PARD3B: variants seen among roughly 807,000 people sequenced by gnomAD.
PARD3B encodes partitioning defective 3 homolog B.
A neutral mutation model predicts 130.2 loss-of-function variants in PARD3B; 103 were observed. The ratio of observed to expected loss-of-function variants is 0.79; its 90% CI spans 0.67 to 0.93. The LOEUF is 0.93. Ranked by LOEUF, PARD3B falls within the 40% of genes least tolerant of loss-of-function variation. The pLI is 0.00. For missense variants in PARD3B, 1,609 were observed against 1,499.2 expected (o/e 1.07, Z -1.21); for synonymous variants, 583 against 553.2 (o/e 1.05, Z -0.76).
intron 2 of PARD3B, among the ~76,000 whole-genome samples, chr2:204,922,669 C>CA (rs988213130): frequency 1.8e-4 from 25 of 141,854 alleles, no homozygotes; most frequent in Admixed American, 7.1e-5. Flanking sequence ...AACGTGACTA[C>CA]AAAAAAAATA....
chr2:204,936,012 A>G (rs537901856), intron 2 of PARD3B, among the ~76,000 whole-genome samples: 2 of 152,372 alleles, frequency 1.3e-5, no homozygotes, highest in East Asian at 1.9e-4. Context: ...GTCTATAAAC[A>G]TGTACAGAAT....
At position 205,450,462 on chromosome 2, in the gene PARD3B, G is replaced by T. The variant is rs569061598; in HGVS notation, c.3044+9790G>T. On this transcript the variant is annotated intron_variant, in intron 20 of 22. Transcript: ENST00000406610. ...AGAAAACTTAAAAAATTTAAGTGCA[G>T]ATTCTTTTTTTTTTTTTTTTTTTTT... Among the ~76,000 whole-genome samples, 75 of 135,314 alleles carry T rather than the reference G, an allele frequency of 5.5e-4. 1 individual carries two copies. The South Asian group carries it at 0.016, about 29-fold the overall frequency. 88.8% of individuals were successfully genotyped at this position (135,314 alleles called of 152,430 possible). A position where few individuals can be genotyped will look rare whatever the true frequency, so the allele number is the denominator to read the frequency against.
intron 18 of PARD3B, among the ~76,000 whole-genome samples, chr2:205,334,745 G>A (rs2043249527): frequency 6.6e-6 from 1 of 152,150 alleles, no homozygotes; most frequent in South Asian, 2.1e-4. Flanking sequence ...GCATTCTGAT[G>A]TAAGAAAGTT....
chr2:205,170,754 C>G (rs1352854122), intron 11 of PARD3B, among the ~76,000 whole-genome samples: 1 of 151,478 alleles, frequency 6.6e-6, no homozygotes, highest in Admixed American at 6.6e-5. Context: ...TTCTATTGTT[C>G]ATTGTGTGTG....
intron 2 of PARD3B, among the ~76,000 whole-genome samples, chr2:204,743,185 G>A (rs1462432812): frequency 2.0e-5 from 3 of 152,132 alleles, no homozygotes; most frequent in Non-Finnish European, 4.4e-5. Context: ...AATGAATGAA[G>A]ATTGGCTTTG....
At position 205,444,025 on chromosome 2, in the gene PARD3B, C is replaced by T. The variant is rs2047818570; in HGVS notation, c.3044+3353C>T. On this transcript the variant is annotated intron_variant, in intron 20 of 22. Coordinates refer to ENST00000406610, the MANE Select transcript of PARD3B (RefSeq NM_001302769.2). ...TGTGTTTGAGTCTCACTCTGTCACC[C>T]AGGCTGGAGTGCAGTGGCATGATGT... 3.3e-5 allele frequency among the ~76,000 whole-genome samples: 5 copies of T among 152,274 alleles called. No individual in the cohort carries two copies. The South Asian group carries it at 1.0e-3, about 32-fold the overall frequency.
chr2:204,949,806 C>G (rs1472596525), intron 2 of PARD3B, among the ~76,000 whole-genome samples: 1 of 152,052 alleles, frequency 6.6e-6, no homozygotes, highest in Non-Finnish European at 1.5e-5. Context: ...TCTTATTAGT[C>G]AAATGTTCAG....
chr2:204,911,836 A>G (rs2047248043), intron 2 of PARD3B, among the ~76,000 whole-genome samples: 3 of 152,342 alleles, frequency 2.0e-5, no homozygotes, highest in South Asian at 2.1e-4. Context: ...GTGTATGCAT[A>G]TATGAAAACA....
At chr2:205,259,722 G>A (rs575101919) in intron 16 of PARD3B, among the ~76,000 whole-genome samples, 1 of 152,148 alleles carries the variant, frequency 6.6e-6, no homozygotes, top group East Asian at 1.9e-4. Context: ...AACTGTATGT[G>A]TTAAATCCTT....
At chr2:204,905,544 G>T (rs771707477) in intron 2 of PARD3B, among the ~76,000 whole-genome samples, 2 of 152,102 alleles carry the variant, frequency 1.3e-5, no homozygotes, top group African/African-American at 2.4e-5. Flanking sequence ...AAATGTAACC[G>T]GTTTTAAAAC....
chr2:205,293,995 A>G (rs1193385720), intron 16 of PARD3B, among the ~76,000 whole-genome samples: 1 of 152,184 alleles, frequency 6.6e-6, no homozygotes, highest in Non-Finnish European at 1.5e-5. Context: ...TGAGTATTCT[A>G]TTACTTATTT....
intron 2 of PARD3B, among the ~76,000 whole-genome samples, chr2:204,813,285 T>A (rs2043028460): frequency 6.6e-6 from 1 of 152,200 alleles, no homozygotes; most frequent in African/African-American, 2.4e-5. Flanking sequence ...AATAATAACG[T>A]TGAGCCTCTT....
At chr2:205,203,430 A>AT (rs1200324140) in intron 15 of PARD3B, among the ~76,000 whole-genome samples, 1 of 137,306 alleles carries the variant, frequency 7.3e-6, no homozygotes, top group Admixed American at 7.2e-5. Context: ...TTTACTTTTT[A>AT]TTTTTTTACT....
At chr2:205,441,425 T>C (rs1176647129) in intron 20 of PARD3B, among the ~76,000 whole-genome samples, 2 of 152,214 alleles carry the variant, frequency 1.3e-5, no homozygotes, top group African/African-American at 2.4e-5. Context: ...CGATATACAT[T>C]GTTAGGTGAC....
At chr2:204,763,020 A>G (rs955296766) in intron 2 of PARD3B, among the ~76,000 whole-genome samples, 8 of 152,144 alleles carry the variant, frequency 5.3e-5, no homozygotes, top group African/African-American at 1.9e-4. Flanking sequence ...TCGGCCTCCC[A>G]AAGTGCTGGG....
intron 19 of PARD3B, among the ~76,000 whole-genome samples, chr2:205,413,471 A>G (rs1317659627): frequency 2.0e-5 from 3 of 152,210 alleles, no homozygotes; most frequent in African/African-American, 7.2e-5. Context: ...GGATGAATGA[A>G]TGAACAACTA....
Position 205,241,668 on chromosome 2 carries a change from C to G in PARD3B, c.2141-4110C>G, listed in dbSNP as rs2039359484. Among the ~76,000 whole-genome samples, 4 of 152,262 alleles carry G rather than the reference C, an allele frequency of 2.6e-5. No individual in the cohort carries two copies. In the South Asian group the frequency reaches 6.2e-4, roughly 24 times the overall value. On this transcript the variant is annotated intron_variant, in intron 15 of 22. Transcript: ENST00000406610. This position sits in a 1 kb window ranked among gnomAD's most constrained non-coding sequence, Gnocchi z 4.2. ...AACTTAGACTCTTGCTCCATCAACA[C>G]TCTCTTACTCAATGCTTTTAATTAA... is the stretch of plus-strand genomic sequence containing the variant.
At chr2:204,919,849 G>A (rs1575307964) in intron 2 of PARD3B, among the ~76,000 whole-genome samples, 1 of 152,026 alleles carries the variant, frequency 6.6e-6, no homozygotes, top group East Asian at 1.9e-4. Context: ...GGCTTTTCTC[G>A]GAGACTTGAA....
At chr2:204,738,744 G>T (rs1021687217) in intron 2 of PARD3B, among the ~76,000 whole-genome samples, 2 of 152,062 alleles carry the variant, frequency 1.3e-5, no homozygotes, top group Admixed American at 6.6e-5. Flanking sequence ...GCTCCTAGAG[G>T]GTGCCCCAAT....
Sources: allele counts gnomAD v4.1 joint callset (sites outside exome capture counted in the v4.1 genomes callset), GRCh38; gene constraint gnomAD v4.1.1; non-coding constraint Gnocchi (gnomAD v3.1); transcripts MANE v1.5; gene names NCBI Gene and HGNC (gene_info 2026-07-23, HGNC 2026-07-21).